The following ADAMTS17 variants were observed in gnomAD, a reference collection of about 807,000 sequenced individuals.
ADAMTS17 encodes the protein A disintegrin and metalloproteinase with thrombospondin motifs 17.
ADAMTS17 carries 113 observed loss-of-function variants against 141.5 expected under a neutral mutation model. The ratio of observed to expected loss-of-function variants is 0.80; its 90% CI spans 0.69 to 0.93. The LOEUF is 0.93. Among genes scored for constraint, ADAMTS17 ranks in the 40% least tolerant of loss-of-function variants. The probability of loss-of-function intolerance (pLI) is 0.00; values close to 1 mark genes in which losing one functional copy is unlikely to be tolerated. For synonymous variants in ADAMTS17, 768 were observed against 630.6 expected (o/e 1.22, Z -3.27); for missense variants, 1,659 against 1,517.9 (o/e 1.09, Z -1.54).
rs182365967 is a variant in ADAMTS17, at chr15:100,180,237, A to T, written c.1181+19081T>A. On this transcript the variant is annotated intron_variant, in intron 8 of 21. Coordinates refer to ENST00000268070, the MANE Select transcript of ADAMTS17 (RefSeq NM_139057.4). The stretch of plus-strand genomic sequence containing the variant: ...TCTAGTTTCAGTTTTCTGCATATGG[A>T]TATCTAGTTTTCCCAGCCCCACTTA... 7.9e-5 allele frequency among the ~76,000 whole-genome samples: 12 copies of T among 152,240 alleles called. No individual in the cohort carries two copies. In the East Asian group the frequency reaches 2.3e-3, roughly 29 times the overall value.
At chr15:100,247,040 C>T (rs1596355049) in intron 7 of ADAMTS17, among the ~76,000 whole-genome samples, 1 of 152,070 alleles carries the variant, frequency 6.6e-6, no homozygotes, top group Admixed American at 6.6e-5. Flanking sequence ...CCCACCACCA[C>T]ACCCGGATAA....
intron 15 of ADAMTS17, among the ~76,000 whole-genome samples, chr15:100,076,280 T>G (rs948205263): frequency 8.5e-5 from 13 of 152,134 alleles, no homozygotes; most frequent in African/African-American, 3.1e-4. Flanking sequence ...TGACCTCAGG[T>G]GATCCACCTG....
intron 8 of ADAMTS17, among the ~76,000 whole-genome samples, chr15:100,172,735 G>A (rs1288349103): frequency 6.6e-6 from 1 of 152,192 alleles, no homozygotes; most frequent in African/African-American, 2.4e-5. Flanking sequence ...AGCAGTAGGG[G>A]CTACCTGCAT....
chr15:100,276,012 AGGGAGTAGGTGCCTGGT>A (rs1440863128), intron 4 of ADAMTS17, among the ~76,000 whole-genome samples: 2 of 19,188 alleles, frequency 1.0e-4, no homozygotes, highest in Non-Finnish European at 9.3e-5. Flanking sequence ...GGAGGGTGGG[AGGGAGTAGGTGCCTGGT>A]GGGAGGGAGT....
At chr15:100,152,827 CTTTT>C in intron 9 of ADAMTS17, 65 bp from the exon 10 acceptor site, 3 of 1,423,328 alleles carry the variant, frequency 2.1e-6, no homozygotes, top group Non-Finnish European at 2.8e-6. Flanking sequence ...TTTTCTTTTT[CTTTT>C]TTTTTTTGAG....
At chr15:100,256,454 A>T (rs1353740765) in intron 6 of ADAMTS17, 1 of 152,188 alleles carries the variant, frequency 6.6e-6, no homozygotes, top group Non-Finnish European at 1.5e-5. Flanking sequence ...TAATTGACTG[A>T]CGTTTCCAGA....
At chr15:100,290,899 G>GA (rs1311486707) in intron 3 of ADAMTS17, among the ~76,000 whole-genome samples, 1 of 151,978 alleles carries the variant, frequency 6.6e-6, no homozygotes, top group Non-Finnish European at 1.5e-5. Context: ...AAAAACTCTG[G>GA]AAAAAAACCT....
rs78892014 is a variant in ADAMTS17, at chr15:100,054,190, G to A, written c.2138-136C>T. 4.9e-4 allele frequency: 467 copies of A among 956,634 alleles called. 5 individuals carry two copies. In the East Asian group the frequency reaches 1.0e-2, roughly 20 times the overall value. 59.3% of individuals were successfully genotyped at this position (956,634 alleles called of 1,614,324 possible). On this transcript the variant is annotated intron_variant, in intron 15 of 21. Transcript: ENST00000268070. ...AGGGGGAAGGAGGGAGGCCTGAAGC[G>A]AGAGAAGGCGAGTGCTCTGTATACT...
intron 10 of ADAMTS17, among the ~76,000 whole-genome samples, chr15:100,138,786 G>A (rs528839695): frequency 1.1e-4 from 16 of 152,192 alleles, no homozygotes; most frequent in Non-Finnish European, 2.2e-4. Flanking sequence ...TTAGGGGCGG[G>A]AGGCAGTGTT....
rs548191022 is a variant in ADAMTS17, at chr15:99,974,202, C to T, written c.*200G>A. Reference sequence around the variant, plus strand: ...GTGACTCATGCCTACTTTCTCCTCACTGTAGAAAGCCAGCCAGTGGCTGTT... The same window carrying T: ...GTGACTCATGCCTACTTTCTCCTCATTGTAGAAAGCCAGCCAGTGGCTGTT... On this transcript the variant is annotated 3_prime_UTR_variant, in exon 22 of 22. Coordinates refer to ENST00000268070, the MANE Select transcript of ADAMTS17 (RefSeq NM_139057.4). The T allele has an allele frequency of 5.5e-5, 36 of 652,038 alleles. No homozygotes were observed. The East Asian group carries it at 1.0e-3, about 18-fold the overall frequency. 40.4% of individuals were successfully genotyped at this position (652,038 alleles called of 1,614,324 possible).
intron 8 of ADAMTS17, among the ~76,000 whole-genome samples, chr15:100,160,219 C>G (rs773563021): frequency 1.3e-5 from 2 of 152,194 alleles, no homozygotes; most frequent in Non-Finnish European, 2.9e-5. Context: ...CTACCTTGGC[C>G]AGGATCAGAG....
intron 8 of ADAMTS17, among the ~76,000 whole-genome samples, chr15:100,179,474 C>CTT (rs2040450139): frequency 6.6e-6 from 1 of 152,154 alleles, no homozygotes; most frequent in Non-Finnish European, 1.5e-5. Flanking sequence ...GCTTCCAAAT[C>CTT]TTGGCTATTG....
At chr15:100,234,085 C>G (rs150796059) in intron 7 of ADAMTS17, among the ~76,000 whole-genome samples, 180 of 152,234 alleles carry the variant, frequency 1.2e-3, no homozygotes, top group African/African-American at 4.2e-3. Flanking sequence ...GGAGGAGACC[C>G]AGCAGGCAAG....
chr15:100,063,355 G>C lies in ADAMTS17; in HGVS notation c.2138-9301C>G, dbSNP rs369786767. Among the ~76,000 whole-genome samples the C allele has an allele frequency of 1.2e-4, 18 of 152,312 alleles. 1 individual carries two copies. Among genetic ancestry groups the C allele is most frequent in the Admixed American group, 9.1e-4 (14 of 15,302 alleles). On this transcript the variant is annotated intron_variant, in intron 15 of 21. Transcript: ENST00000268070. ...ACTGCTCAGACTCAAGCTGCTCTCA[G>C]CTCTCCTGGGGTTACTTTGGGGGAC... is the stretch of plus-strand genomic sequence containing the variant.
intron 8 of ADAMTS17, among the ~76,000 whole-genome samples, chr15:100,178,031 A>T (rs966685588): frequency 1.3e-4 from 20 of 152,040 alleles, no homozygotes; most frequent in Non-Finnish European, 1.3e-4. Flanking sequence ...TTCAATTTTT[A>T]AAATTTTACA....
chr15:100,195,634 A>G (rs1174765965), intron 8 of ADAMTS17, among the ~76,000 whole-genome samples: 1 of 149,926 alleles, frequency 6.7e-6, no homozygotes, highest in East Asian at 2.0e-4. Flanking sequence ...AAAAAAAAAA[A>G]AAGAAGCTGT....
Position 100,116,977 on chromosome 15 carries a change from A to G in ADAMTS17, c.1758T>C (p.Ser586=), listed in dbSNP as rs760593522. The G allele has an allele frequency of 6.8e-6, 11 of 1,613,650 alleles. No individual in the cohort carries two copies. The highest frequency in any genetic ancestry group is 3.3e-4 in the Middle Eastern group (2 of 6,004). ...GPGGTHCPGA[S]VEHAVCENLP... Reference sequence around the variant, plus strand: ...GGTTCTCGCAGACCGCATGTTCTACACTGGCACCCGGGCAGTGTGTGCCTC... The same window carrying G: ...GGTTCTCGCAGACCGCATGTTCTACGCTGGCACCCGGGCAGTGTGTGCCTC... The change falls in exon 13 of 22, where the codon AGT becomes AGC. Residue 586 remains serine, a synonymous_variant. Transcript: ENST00000268070.
chr15:100,140,571 GCAAGC>G (rs2038593002), intron 10 of ADAMTS17, among the ~76,000 whole-genome samples: 2 of 150,178 alleles, frequency 1.3e-5, no homozygotes, highest in African/African-American at 4.9e-5. Context: ...CCAGTGCCTG[GCAAGC>G]TAAGCAGTCA....
chr15:99,971,785 G>C lies in ADAMTS17; in HGVS notation c.*2617C>G, dbSNP rs1313871845. On this transcript the variant is annotated 3_prime_UTR_variant, in exon 22 of 22. Transcript: ENST00000268070. ...GGGTCGTGAGACTCTGGTAACACGT[G>C]CGTTAGTGACACGTGTGCAAGCACA... 5.3e-5 allele frequency: 8 copies of C among 152,312 alleles called. No individual in the cohort carries two copies. The East Asian group carries it at 1.4e-3, about 26-fold the overall frequency. 9.4% of individuals were successfully genotyped at this position (152,312 alleles called of 1,614,324 possible). A position where few individuals can be genotyped will look rare whatever the true frequency, so the allele number is the denominator to read the frequency against.
Sources: gnomAD v4.1 joint callset for allele counts (sites outside exome capture counted in the v4.1 genomes callset) on GRCh38, gnomAD v4.1.1 for gene constraint, MANE v1.5 for transcripts, NCBI Gene and HGNC (gene_info 2026-07-23, HGNC 2026-07-21) for gene names.